The following RNPC3 variants were observed in gnomAD, a reference collection of about 807,000 sequenced individuals.
The protein encoded by RNPC3 is RNA-binding region-containing protein 3.
RNPC3 carries 48 observed loss-of-function variants against 67.5 expected under a neutral mutation model. That is an observed-to-expected ratio of 0.71 (90% CI 0.56 to 0.90). The LOEUF is 0.90. Among genes scored for constraint, RNPC3 ranks in the 40% least tolerant of loss-of-function variants. RNPC3 has a pLI of 0.00. For synonymous variants in RNPC3, 239 were observed against 210.3 expected, an observed-to-expected ratio of 1.14 and a Z score of -1.18; for missense variants, 637 against 626.1, an observed-to-expected ratio of 1.02 and a Z score of -0.19.
At chr1:103,526,558 A>C (rs1385868578) in intron 1 of RNPC3, among the ~76,000 whole-genome samples, 1 of 152,170 alleles carries the variant, frequency 6.6e-6, no homozygotes, top group Non-Finnish European at 1.5e-5. Context: ...GAGCCTCACA[A>C]CTTTTTTGAA....
At chr1:103,535,212 G>C in intron 4 of RNPC3, 118 bp from the exon 5 acceptor site, 1 of 615,924 alleles carries the variant, frequency 1.6e-6, no homozygotes, top group Non-Finnish European at 2.7e-6. Flanking sequence ...TTAGGAACAA[G>C]GTAAATCTAA....
intron 2 of RNPC3, among the ~76,000 whole-genome samples, chr1:103,532,940 C>T (rs1650894831): frequency 6.6e-6 from 1 of 151,956 alleles, no homozygotes; most frequent in Admixed American, 6.6e-5. Flanking sequence ...CAGAGTTTTA[C>T]TGCAAAACTA....
At position 103,527,707 on chromosome 1, in the gene RNPC3, T is replaced by G; in HGVS notation, c.205T>G (p.Phe69Val). ...SDKGRLKHTA[F>V]ATFPNEKAAI... ...AACTCTGTTTCAGAAACATACAGCTTTTGCCACATTCCCTAATGAAAAAGC... is the reference window on the plus strand; with the variant it reads ...AACTCTGTTTCAGAAACATACAGCTGTTGCCACATTCCCTAATGAAAAAGC... The change falls in exon 2 of 15, where the codon TTT becomes GTT. Residue 69 changes from phenylalanine to valine, a missense_variant. Phe to Val is a conservative substitution (Grantham distance 50). Around this residue, in one of 3 missense-constraint regions of RNPC3, gnomAD observed 536 missense variants for 500.3 expected, o/e 1.07. Coordinates refer to ENST00000423855, the MANE Select transcript of RNPC3 (RefSeq NM_017619.4). 6.5e-7 allele frequency: 1 copy of G among 1,548,824 alleles called. No homozygotes were observed. Among genetic ancestry groups the G allele is most frequent in the South Asian group, 1.2e-5 (1 of 83,682 alleles).
intron 3 of RNPC3, 135 bp downstream of exon 3, chr1:103,533,992 C>A (rs1490329352): frequency 8.2e-6 from 5 of 611,036 alleles, no homozygotes; most frequent in Admixed American, 2.9e-5. Context: ...TTCCATTAAA[C>A]CTAGTACAGT....
chr1:103,526,245 T>A lies in RNPC3; in HGVS notation c.175T>A (p.Ser59Thr), dbSNP rs750389014. 7.8e-6 allele frequency: 12 copies of A among 1,548,042 alleles called. No homozygotes were observed. Among genetic ancestry groups the A allele is most frequent in the Middle Eastern group, 1.7e-4 (1 of 5,716 alleles). The change falls in exon 1 of 15, where the codon TCA becomes ACA. Residue 59 changes from serine (S) to threonine (T), a missense_variant. This residue lies in a region of RNPC3 where 536 missense variants were observed against 500.3 expected (regional missense o/e 1.07). Transcript: ENST00000423855. Reference sequence around the variant, plus strand: ...CGGGGCTCAGTCTGTGCGGGTCCTGTCAGATAAGGGGCGACTGGTAAGGGC... The same window carrying A: ...CGGGGCTCAGTCTGTGCGGGTCCTGACAGATAAGGGGCGACTGGTAAGGGC... Reference protein sequence around the residue: ...YFGAQSVRVLSDKGRLKHTAF... With the variant: ...YFGAQSVRVLTDKGRLKHTAF...
chr1:103,550,793 A>G, intron 12 of RNPC3, 148 bp from the exon 13 acceptor site: 3 of 719,634 alleles, frequency 4.2e-6, no homozygotes, highest in Non-Finnish European at 6.9e-6. Context: ...AGAACATGAA[A>G]TATATTTTTA....
At chr1:103,527,483 G>C (rs1000334564) in intron 1 of RNPC3, among the ~76,000 whole-genome samples, 1 of 152,170 alleles carries the variant, frequency 6.6e-6, no homozygotes, top group African/African-American at 2.4e-5. Context: ...GTCTTTATAT[G>C]ATAGAGGTTG....
rs1651168175 is a variant in RNPC3 at position 103,543,311 on chromosome 1, G to A, written c.909G>A (p.Val303=). The change falls in exon 9 of 15, where the codon GTG becomes GTA. Residue 303 remains valine (V), a synonymous_variant. Coordinates refer to ENST00000423855, the MANE Select transcript of RNPC3 (RefSeq NM_017619.4). ...LCPSHSSLHP[V]LLPSDVFDQP... ...TTTTAAATAGCAGTTTACATCCAGT[G>A]CTGTTACCTTCAGATGTATTTGACC... 7 of 1,476,532 alleles carry A rather than the reference G, an allele frequency of 4.7e-6. No homozygotes were observed. The highest frequency in any genetic ancestry group is 6.2e-6 in the Non-Finnish European group (7 of 1,121,522). 91.5% of individuals were successfully genotyped at this position (1,476,532 alleles called of 1,614,324 possible). A position where few individuals can be genotyped will look rare whatever the true frequency, so the allele number is the denominator to read the frequency against.
chr1:103,530,935 A>G (rs937354119), intron 2 of RNPC3, among the ~76,000 whole-genome samples: 1 of 152,086 alleles, frequency 6.6e-6, no homozygotes, highest in Non-Finnish European at 1.5e-5. Flanking sequence ...ATTTTGATGT[A>G]CCTGTCACCC....
intron 14 of RNPC3, 132 bp downstream of exon 14, chr1:103,551,924 T>G: frequency 2.0e-6 from 1 of 505,390 alleles, no homozygotes; most frequent in East Asian, 3.4e-5. Context: ...TCTGTGCAGT[T>G]AAGTCCCATT....
At chr1:103,537,897 G>A (rs1171409339) in intron 7 of RNPC3, among the ~76,000 whole-genome samples, 1 of 152,010 alleles carries the variant, frequency 6.6e-6, no homozygotes, top group Non-Finnish European at 1.5e-5. Flanking sequence ...AGGCTGGAGT[G>A]CAATGGCGCG....
chr1:103,529,664 T>C (rs1650795765), intron 2 of RNPC3, among the ~76,000 whole-genome samples: 2 of 152,170 alleles, frequency 1.3e-5, no homozygotes, highest in Non-Finnish European at 2.9e-5. Flanking sequence ...TTTCAGATAA[T>C]CAAGGCTTCA....
chr1:103,525,978 A>T lies in RNPC3; in HGVS notation c.-93A>T. Reference sequence around the variant, plus strand: ...CCTGGTTTCCAGAATCCTTAGCGCGAGGCGGAAAAAATATTTCTCCCAGCT... The same window carrying T: ...CCTGGTTTCCAGAATCCTTAGCGCGTGGCGGAAAAAATATTTCTCCCAGCT... On this transcript the variant is annotated 5_prime_UTR_variant, in exon 1 of 15. Coordinates refer to ENST00000423855, the MANE Select transcript of RNPC3 (RefSeq NM_017619.4). 1 of 1,003,532 alleles carries T rather than the reference A, an allele frequency of 1.0e-6. No homozygotes were observed. The highest frequency in any genetic ancestry group is 1.4e-6 in the Non-Finnish European group (1 of 702,750). 62.2% of individuals were successfully genotyped at this position (1,003,532 alleles called of 1,614,324 possible).
Position 103,551,082 on chromosome 1 carries a change from T to C in RNPC3, c.1494+9T>C, listed in dbSNP as rs1475292642. On this transcript the variant is annotated intron_variant, in intron 13 of 14. Coordinates refer to ENST00000423855, the MANE Select transcript of RNPC3 (RefSeq NM_017619.4). ...GAAAACCCATGGTGGTTGTATCCTT[T>C]AAATCCATCTATTTCAAAACTATAT... The C allele has an allele frequency of 1.3e-6, 2 of 1,589,684 alleles. No individual in the cohort carries two copies. The highest frequency in any genetic ancestry group is 1.8e-5 in the Admixed American group (1 of 55,630).
chr1:103,548,483 G>A (rs986693225), intron 12 of RNPC3, among the ~76,000 whole-genome samples: 1 of 152,168 alleles, frequency 6.6e-6, no homozygotes, highest in Non-Finnish European at 1.5e-5. Flanking sequence ...AAAACAAAGA[G>A]TTTGCTAAAA....
intron 10 of RNPC3, chr1:103,545,492 C>A (rs950236320): frequency 6.4e-6 from 1 of 155,874 alleles, no homozygotes; most frequent in African/African-American, 2.4e-5. Flanking sequence ...ATTAGAAATA[C>A]ATGATTTTAG....
At chr1:103,536,068 A>G in intron 5 of RNPC3, 58 bp from the exon 6 acceptor site, 3 of 1,293,342 alleles carry the variant, frequency 2.3e-6, no homozygotes, top group Non-Finnish European at 2.2e-6. Flanking sequence ...AGTACATAAA[A>G]TACAAGATGT....
At chr1:103,529,234 A>G (rs946381031) in intron 2 of RNPC3, among the ~76,000 whole-genome samples, 3 of 152,240 alleles carry the variant, frequency 2.0e-5, no homozygotes, top group African/African-American at 7.2e-5. Flanking sequence ...TTATATTAAT[A>G]TGTACTTTTA....
At chr1:103,544,736 A>G in intron 9 of RNPC3, among the ~76,000 whole-genome samples, 1 of 151,368 alleles carries the variant, frequency 6.6e-6, no homozygotes, top group East Asian at 1.9e-4. Context: ...TCTCATGGCT[A>G]GTCACCCTTT....
Sources: allele counts gnomAD v4.1 joint callset (sites outside exome capture counted in the v4.1 genomes callset), GRCh38; gene constraint gnomAD v4.1.1; regional missense constraint gnomAD v4.1.1; transcripts MANE v1.5; gene names NCBI Gene and HGNC (gene_info 2026-07-23, HGNC 2026-07-21).